ACO2: variants seen among roughly 807,000 people sequenced by gnomAD.
ACO2 encodes aconitate hydratase, mitochondrial.
ACO2 carries 31 observed loss-of-function variants against 84.5 expected under a neutral mutation model. The observed-to-expected ratio is 0.37, with a 90% CI of 0.28 to 0.50. The LOEUF (loss-of-function observed/expected upper bound fraction) is 0.50, where lower values mean the gene tolerates loss of function less well. Ranked by LOEUF, ACO2 falls within the 20% of genes least tolerant of loss-of-function variation. ACO2 has a pLI of 0.97. For missense variants in ACO2, 685 were observed against 1,029.3 expected, an observed-to-expected ratio of 0.67 and a Z score of 4.58; for synonymous variants, 414 against 412.7, an observed-to-expected ratio of 1.00 and a Z score of -0.04.
At chr22:41,517,253 T>A (rs1299394258) in intron 6 of ACO2, 1 of 434,632 alleles carries the variant, frequency 2.3e-6, no homozygotes, top group African/African-American at 2.0e-5. Flanking sequence ...CAGCTCAGTG[T>A]GTGGGGGCTG....
At chr22:41,506,966 G>A (rs527722426) in intron 2 of ACO2, among the ~76,000 whole-genome samples, 1 of 152,044 alleles carries the variant, frequency 6.6e-6, no homozygotes, top group South Asian at 2.1e-4. Flanking sequence ...GAGTGGACCC[G>A]CGCAGAGCTC....
chr22:41,511,295 C>T (rs2066431271), intron 3 of ACO2, among the ~76,000 whole-genome samples: 2 of 152,216 alleles, frequency 1.3e-5, no homozygotes, highest in African/African-American at 4.8e-5. Context: ...CCTCAGCCTC[C>T]CGAGTAACTG....
chr22:41,499,580 C>A, intron 1 of ACO2, 146 bp from the exon 2 acceptor site: 1 of 859,414 alleles, frequency 1.2e-6, no homozygotes, highest in Non-Finnish European at 1.8e-6. Context: ...TCATCCCTGT[C>A]CTGCAGATGA....
chr22:41,513,384 C>T (rs2066451030), intron 4 of ACO2, among the ~76,000 whole-genome samples: 1 of 152,184 alleles, frequency 6.6e-6, no homozygotes, highest in Admixed American at 6.5e-5. Context: ...GAGTACTTTG[C>T]AGCTTTACTT....
chr22:41,526,936 G>A (rs1430008339), intron 15 of ACO2: 17 of 377,134 alleles, frequency 4.5e-5, no homozygotes, highest in Non-Finnish European at 8.2e-5. Flanking sequence ...TCCCAGGAAG[G>A]GGGCGCCTTG....
At position 41,515,547 on chromosome 22, in the gene ACO2, G is replaced by A. The variant is rs1474590677; in HGVS notation, c.684+12G>A. ...TGAAGTGCCCCAAGGTGAGGGTGGG[G>A]AGGGACTCATTCTGGGCTGGCTGTG... On this transcript the variant is annotated intron_variant, in intron 5 of 17. Transcript: ENST00000216254. The surrounding 1 kb of genome is among the most constrained non-coding windows in gnomAD (Gnocchi z 5.8). 2.5e-6 allele frequency: 4 copies of A among 1,603,698 alleles called. No individual in the cohort carries two copies. The highest frequency in any genetic ancestry group is 3.4e-6 in the Non-Finnish European group (4 of 1,174,542).
In ACO2 at chr22:41,525,369, A is replaced by G. The variant is rs1168510295; in HGVS notation, c.1761+21A>G. ...TCAAGGTCAGCAGCATGGGGACGGC[A>G]GGACAGCCCCACCCTGCCAGGGCCC... is the stretch of plus-strand genomic sequence containing the variant. On this transcript the variant is annotated intron_variant, in intron 14 of 17. Coordinates refer to ENST00000216254, the MANE Select transcript of ACO2 (RefSeq NM_001098.3). 5 of 1,612,120 alleles carry G rather than the reference A, an allele frequency of 3.1e-6. No individual in the cohort carries two copies. In the African/African-American group the frequency reaches 6.7e-5, roughly 22 times the overall value.
At chr22:41,521,285 C>T (rs1430511033) in intron 9 of ACO2, 4 of 152,244 alleles carry the variant, frequency 2.6e-5, no homozygotes, top group Admixed American at 2.6e-4. Flanking sequence ...ACTTTTCATG[C>T]TTTACACATG....
At chr22:41,527,762 C>T in intron 16 of ACO2, 139 bp from the exon 17 acceptor site, 4 of 1,415,296 alleles carry the variant, frequency 2.8e-6, no homozygotes, top group Non-Finnish European at 2.9e-6. Context: ...GGGAGCAGAC[C>T]AGGGCCCCAT....
At chr22:41,525,434 G>A in intron 14 of ACO2, 86 bp downstream of exon 14, 1 of 1,537,286 alleles carries the variant, frequency 6.5e-7, no homozygotes, top group Non-Finnish European at 8.9e-7. Context: ...GAACCTGGAG[G>A]AAGTGAGCAC....
intron 13 of ACO2, 36 bp downstream of exon 13, chr22:41,525,004 G>A (rs1163150293): frequency 6.2e-7 from 1 of 1,614,062 alleles, no homozygotes; most frequent in East Asian, 2.2e-5. Flanking sequence ...TGGTTGCTGT[G>A]TGGCCACGTC....
intron 3 of ACO2, among the ~76,000 whole-genome samples, chr22:41,510,046 G>A (rs2066423333): frequency 6.6e-6 from 1 of 152,128 alleles, no homozygotes; most frequent in African/African-American, 2.4e-5. Flanking sequence ...ACGTTGGCCA[G>A]GCTGGTTTCA....
chr22:41,480,784 T>G (rs1449243920), intron 1 of ACO2, among the ~76,000 whole-genome samples: 1 of 152,176 alleles, frequency 6.6e-6, no homozygotes, highest in African/African-American at 2.4e-5. Flanking sequence ...TACAAGTCTT[T>G]CTAATCCTCA....
intron 1 of ACO2, among the ~76,000 whole-genome samples, chr22:41,477,405 T>C (rs1013814109): frequency 2.0e-5 from 3 of 151,694 alleles, no homozygotes; most frequent in South Asian, 2.1e-4. Flanking sequence ...GTGATCCACC[T>C]GCCTCGGCCT....
chr22:41,526,764 G>A (rs1337154759), intron 15 of ACO2: 14 of 355,868 alleles, frequency 3.9e-5, no homozygotes, highest in African/African-American at 6.2e-5. Context: ...GCTCAGAGAG[G>A]GGGCTACACG....
chr22:41,481,716 G>A (rs1216922029), intron 1 of ACO2, among the ~76,000 whole-genome samples: 4 of 152,166 alleles, frequency 2.6e-5, no homozygotes, highest in African/African-American at 9.7e-5. Flanking sequence ...TGCTCATCAC[G>A]GCTTCTGCCA....
Position 41,499,806 on chromosome 22 carries a change from C to T in ACO2, c.117C>T (p.Pro39=), listed in dbSNP as rs150780126. 1.2e-6 allele frequency: 2 copies of T among 1,614,142 alleles called. No homozygotes were observed. The highest frequency in any genetic ancestry group is 1.7e-6 in the Non-Finnish European group (2 of 1,180,038). Reference sequence around the variant, plus strand: ...AGGTGGCGATGAGCCACTTTGAGCCCAACGAGTACATCCATTATGACCTGC... The same window carrying T: ...AGGTGGCGATGAGCCACTTTGAGCCTAACGAGTACATCCATTATGACCTGC... ...RAKVAMSHFE[P]NEYIHYDLLE... The change falls in exon 2 of 18, where the codon CCC becomes CCT. Residue 39 remains proline (P), a synonymous_variant. Transcript: ENST00000216254.
At chr22:41,503,718 A>G (rs2066370919) in intron 2 of ACO2, among the ~76,000 whole-genome samples, 1 of 152,062 alleles carries the variant, frequency 6.6e-6, no homozygotes, top group South Asian at 2.1e-4. Flanking sequence ...GGTGATGTCT[A>G]GAGATATTTT....
At chr22:41,498,971 G>A (rs1266024060) in intron 1 of ACO2, among the ~76,000 whole-genome samples, 4 of 151,910 alleles carry the variant, frequency 2.6e-5, no homozygotes, top group Admixed American at 2.6e-4. Flanking sequence ...GTGCGTGCCT[G>A]TAATCCCAGC....
Sources: gnomAD v4.1 joint callset for allele counts (sites outside exome capture counted in the v4.1 genomes callset) on GRCh38, gnomAD v4.1.1 for gene constraint, Gnocchi (gnomAD v3.1) non-coding constraint, MANE v1.5 for transcripts, NCBI Gene and HGNC (gene_info 2026-07-23, HGNC 2026-07-21) for gene names.